The following KIAA1671 variants were observed in gnomAD, a reference collection of about 807,000 sequenced individuals.
The protein encoded by KIAA1671 is uncharacterized protein KIAA1671.
Under a neutral mutation model 131.2 loss-of-function variants are expected in KIAA1671, and 52 were observed. The observed-to-expected ratio is 0.40, with a 90% CI of 0.32 to 0.50. KIAA1671 has a LOEUF of 0.50. Ranked by LOEUF, KIAA1671 falls within the 20% of genes least tolerant of loss-of-function variation. The pLI, the probability that KIAA1671 is intolerant of heterozygous loss-of-function variation, is 0.73. For synonymous variants in KIAA1671, 1,003 were observed against 961.6 expected, an observed-to-expected ratio of 1.04 and a Z score of -0.80; for missense variants, 2,360 against 2,364.2, an observed-to-expected ratio of 1.00 and a Z score of 0.04.
At chr22:25,086,968 C>T (rs988022818) in intron 6 of KIAA1671, among the ~76,000 whole-genome samples, 1 of 152,254 alleles carries the variant, frequency 6.6e-6, no homozygotes, top group East Asian at 1.9e-4. Context: ...GCCTGTTAAC[C>T]CCCAAACAGC....
At chr22:25,075,208 G>T (rs1929039906) in intron 6 of KIAA1671, among the ~76,000 whole-genome samples, 1 of 152,138 alleles carries the variant, frequency 6.6e-6, no homozygotes, top group African/African-American at 2.4e-5. Flanking sequence ...GAGGACAGGG[G>T]TGCTACTGGC....
intron 1 of KIAA1671, among the ~76,000 whole-genome samples, chr22:24,972,829 G>T (rs1384166171): frequency 6.6e-6 from 1 of 152,218 alleles, no homozygotes; most frequent in Non-Finnish European, 1.5e-5. Context: ...AGGCACAAAA[G>T]TCCGTTCATA....
rs542519864 is a variant in KIAA1671, at chr22:25,170,704, G to A, written c.4531-116G>A. 1.6e-4 allele frequency: 153 copies of A among 943,184 alleles called. 1 individual carries two copies. The African/African-American group carries it at 2.1e-3, about 13-fold the overall frequency. The allele number at this position is 943,184 out of a possible 1,614,324, so 58.4% of individuals were successfully genotyped here. ...GTCTGGCCCCACTTAGGAAGGCAGCGGGTTGCTGGGATGGGTTTGAGCTGG... is the reference window on the plus strand; with the variant it reads ...GTCTGGCCCCACTTAGGAAGGCAGCAGGTTGCTGGGATGGGTTTGAGCTGG... On this transcript the variant is annotated intron_variant, in intron 6 of 12. Transcript: ENST00000358431.
At chr22:25,018,215 G>GA (rs1369170027) in intron 1 of KIAA1671, among the ~76,000 whole-genome samples, 3 of 152,060 alleles carry the variant, frequency 2.0e-5, no homozygotes, top group African/African-American at 7.2e-5. Context: ...TCACCACTGT[G>GA]ATTAGGAACG....
At chr22:25,127,127 G>A (rs1289799904) in intron 6 of KIAA1671, among the ~76,000 whole-genome samples, 1 of 152,178 alleles carries the variant, frequency 6.6e-6, no homozygotes, top group East Asian at 1.9e-4. Flanking sequence ...GCAAGCCTCA[G>A]TTTCCCCATC....
intron 6 of KIAA1671, among the ~76,000 whole-genome samples, chr22:25,150,836 C>CTTTTTTTTTTTT (rs1324671566): frequency 0.15 from 18,416 of 123,116 alleles, 2,136 homozygotes; most frequent in South Asian, 0.22. Context: ...GGGTCCTTTG[C>CTTTTTTTTTTTT]TTTTTTTTTT....
At chr22:25,098,085 AG>A (rs1430009244) in intron 6 of KIAA1671, among the ~76,000 whole-genome samples, 2 of 152,220 alleles carry the variant, frequency 1.3e-5, no homozygotes, top group African/African-American at 4.8e-5. Context: ...TGGTAGGCAG[AG>A]GGTTGTGAAA....
chr22:24,958,652 T>TA (rs60645201), intron 1 of KIAA1671, among the ~76,000 whole-genome samples: 26,959 of 119,364 alleles, frequency 0.23, 3,608 homozygotes, highest in East Asian at 0.62. Context: ...CTCTGTCTCT[T>TA]AAAAAAAAAA....
intron 6 of KIAA1671, among the ~76,000 whole-genome samples, chr22:25,139,693 G>A (rs946049202): frequency 2.6e-5 from 4 of 152,168 alleles, no homozygotes; most frequent in African/African-American, 9.7e-5. Flanking sequence ...GAAAAGTAAA[G>A]CAAAGTTGGG....
chr22:25,007,422 G>A (rs1187460767), intron 1 of KIAA1671, among the ~76,000 whole-genome samples: 2 of 151,866 alleles, frequency 1.3e-5, no homozygotes, highest in African/African-American at 4.8e-5. Context: ...GGAGGTGGAG[G>A]TTGCAGTGAG....
rs1391375029 is a variant in KIAA1671, at chr22:25,196,621, A to G, written c.*4220A>G. On this transcript the variant is annotated 3_prime_UTR_variant, in exon 13 of 13. Coordinates refer to ENST00000358431, the MANE Select transcript of KIAA1671 (RefSeq NM_001145206.2). ...AGCTGATCTTTTAAATCTGTTTTGT[A>G]GAAACAGGATCTCACTATATTGCCC... 1 of 152,062 alleles carries G rather than the reference A, an allele frequency of 6.6e-6. No homozygotes were observed. Among genetic ancestry groups the G allele is most frequent in the Non-Finnish European group, 1.5e-5 (1 of 68,036 alleles). 9.4% of individuals were successfully genotyped at this position (152,062 alleles called of 1,614,324 possible). A position where few individuals can be genotyped will look rare whatever the true frequency, so the allele number is the denominator to read the frequency against.
At chr22:25,175,126 C>T (rs1015743489) in intron 8 of KIAA1671, 30 of 152,470 alleles carry the variant, frequency 2.0e-4, no homozygotes, top group African/African-American at 7.0e-4. Flanking sequence ...GCTCTAGCAT[C>T]TTCCAGACCA....
intron 6 of KIAA1671, among the ~76,000 whole-genome samples, chr22:25,113,476 C>T (rs1931490051): frequency 6.6e-6 from 1 of 152,204 alleles, no homozygotes; most frequent in Non-Finnish European, 1.5e-5. Context: ...TCCTCCTAGC[C>T]AGGAGTGCTA....
chr22:25,005,604 C>T (rs961434521), intron 1 of KIAA1671, among the ~76,000 whole-genome samples: 1 of 152,162 alleles, frequency 6.6e-6, no homozygotes, highest in Non-Finnish European at 1.5e-5. Context: ...TTCATTAACC[C>T]AAGACCTCTA....
chr22:25,018,744 C>G (rs1305604490), intron 1 of KIAA1671, among the ~76,000 whole-genome samples: 1 of 152,104 alleles, frequency 6.6e-6, no homozygotes, highest in East Asian at 1.9e-4. Context: ...AATTTCCTTC[C>G]TTTTGAAGGC....
intron 6 of KIAA1671, chr22:25,063,146 A>G (rs5760820): frequency 6.6e-6 from 1 of 151,862 alleles, no homozygotes; most frequent in Non-Finnish European, 1.5e-5. Context: ...GTAAGAAGGG[A>G]TGGTTGATTG....
intron 1 of KIAA1671, among the ~76,000 whole-genome samples, chr22:24,982,093 CTT>C (rs1211876317): frequency 2.6e-5 from 4 of 152,208 alleles, no homozygotes; most frequent in Admixed American, 2.6e-4. Context: ...CCACGCACCA[CTT>C]GAGTGATGTT....
intron 1 of KIAA1671, among the ~76,000 whole-genome samples, chr22:24,958,374 G>A (rs549384823): frequency 1.3e-5 from 2 of 152,262 alleles, no homozygotes; most frequent in Admixed American, 1.3e-4. Flanking sequence ...TTAAGACCGG[G>A]TGAGGTGGCT....
chr22:25,069,810 G>C (rs1928710086), intron 6 of KIAA1671, among the ~76,000 whole-genome samples: 1 of 152,082 alleles, frequency 6.6e-6, no homozygotes, highest in African/African-American at 2.4e-5. Flanking sequence ...CATGTGGTTT[G>C]GGGAGGAGGA....
Sources: allele counts gnomAD v4.1 joint callset (sites outside exome capture counted in the v4.1 genomes callset), GRCh38; gene constraint gnomAD v4.1.1; transcripts MANE v1.5; gene names NCBI Gene and HGNC (gene_info 2026-07-23, HGNC 2026-07-21).